The following ANXA10 variants were observed in gnomAD, a reference collection of about 807,000 sequenced individuals.
ANXA10 encodes annexin 14.
A neutral mutation model predicts 53.5 loss-of-function variants in ANXA10; 49 were observed. The ratio of observed to expected loss-of-function variants is 0.92; its 90% CI spans 0.73 to 1.16. The LOEUF (loss-of-function observed/expected upper bound fraction) is 1.16, where lower values mean the gene tolerates loss of function less well. Ranked by LOEUF, ANXA10 falls within the 50% of genes most tolerant of loss-of-function variation. The pLI is 0.00. For missense variants in ANXA10, 393 were observed against 394.4 expected (o/e 1.00, Z 0.03); for synonymous variants, 131 against 128.9 (o/e 1.02, Z -0.11).
intron 6 of ANXA10, among the ~76,000 whole-genome samples, chr4:168,168,611 C>T (rs1241493262): frequency 2.0e-5 from 3 of 151,874 alleles, no homozygotes; most frequent in East Asian, 3.9e-4. Context: ...AGTAGAGACG[C>T]GGTTTCACCA....
intron 6 of ANXA10, among the ~76,000 whole-genome samples, chr4:168,177,301 A>C (rs1428144024): frequency 6.6e-6 from 1 of 152,168 alleles, no homozygotes; most frequent in East Asian, 1.9e-4. Context: ...CACTGCACAA[A>C]GTCTGAGCTT....
At chr4:168,148,316 A>G (rs1731437833) in intron 3 of ANXA10, among the ~76,000 whole-genome samples, 2 of 151,930 alleles carry the variant, frequency 1.3e-5, no homozygotes, top group African/African-American at 4.8e-5. Flanking sequence ...ACAGGTGCCC[A>G]CCACCACGCC....
chr4:168,178,003 C>T lies in ANXA10; in HGVS notation c.628+20C>T, dbSNP rs763553018. On this transcript the variant is annotated intron_variant, in intron 8 of 11. Transcript: ENST00000359299. ...GGCTGGGTAATTATTAACTGGGTTT[C>T]GTTCCAGCTACTTGACCAATTATAT... 4.4e-6 allele frequency: 7 copies of T among 1,606,080 alleles called. No individual in the cohort carries two copies. The highest frequency in any genetic ancestry group is 2.7e-5 in the African/African-American group (2 of 74,746).
intron 3 of ANXA10, among the ~76,000 whole-genome samples, chr4:168,156,206 T>TATATAATA (rs1553957762): frequency 1.2e-4 from 2 of 16,882 alleles, no homozygotes; most frequent in Admixed American, 1.1e-3. Context: ...ATAATATATA[T>TATATAATA]TATATTATAT....
chr4:168,128,447 C>G (rs1363848392), intron 2 of ANXA10, among the ~76,000 whole-genome samples: 1 of 152,132 alleles, frequency 6.6e-6, no homozygotes, highest in Non-Finnish European at 1.5e-5. Flanking sequence ...GAAATCTCCA[C>G]TAAAACACCT....
At chr4:168,169,983 G>C (rs1172273361) in intron 6 of ANXA10, among the ~76,000 whole-genome samples, 1 of 152,100 alleles carries the variant, frequency 6.6e-6, no homozygotes, top group Non-Finnish European at 1.5e-5. Context: ...TAAATCACAA[G>C]TGAAAAAATA....
intron 6 of ANXA10, among the ~76,000 whole-genome samples, chr4:168,174,407 G>A (rs1410074217): frequency 3.9e-5 from 6 of 152,162 alleles, no homozygotes; most frequent in African/African-American, 1.2e-4. Context: ...CATGGAGCCC[G>A]CACCTATGCC....
chr4:168,166,390 T>C (rs1470497622), intron 6 of ANXA10, among the ~76,000 whole-genome samples: 1 of 152,228 alleles, frequency 6.6e-6, no homozygotes, highest in African/African-American at 2.4e-5. Flanking sequence ...AATGAATATT[T>C]CTTGAAAATA....
At chr4:168,144,791 G>A (rs930418902) in intron 3 of ANXA10, among the ~76,000 whole-genome samples, 2 of 152,158 alleles carry the variant, frequency 1.3e-5, no homozygotes, top group African/African-American at 4.8e-5. Flanking sequence ...TGATTAGGCT[G>A]CTACCCAGAG....
chr4:168,095,460 T>C (rs1730526541), intron 1 of ANXA10, among the ~76,000 whole-genome samples: 2 of 152,074 alleles, frequency 1.3e-5, no homozygotes, highest in South Asian at 4.1e-4. Flanking sequence ...AGGATACATG[T>C]TGATATCATA....
At chr4:168,159,906 G>C (rs1245286651) in intron 3 of ANXA10, among the ~76,000 whole-genome samples, 1 of 152,146 alleles carries the variant, frequency 6.6e-6, no homozygotes, top group Non-Finnish European at 1.5e-5. Flanking sequence ...TTGAATTCCA[G>C]TATTGAACCA....
At chr4:168,175,476 T>C (rs1360074233) in intron 6 of ANXA10, among the ~76,000 whole-genome samples, 2 of 152,208 alleles carry the variant, frequency 1.3e-5, no homozygotes, top group African/African-American at 4.8e-5. Flanking sequence ...ATGCCACTGA[T>C]ATTTCATACA....
At chr4:168,104,039 TG>T (rs1730681607) in intron 1 of ANXA10, among the ~76,000 whole-genome samples, 1 of 151,936 alleles carries the variant, frequency 6.6e-6, no homozygotes. Context: ...GTAGGGTTTT[TG>T]TAGATGTCTT....
chr4:168,172,067 C>T lies in ANXA10; in HGVS notation c.481-5673C>T, dbSNP rs573076106. On this transcript the variant is annotated intron_variant, in intron 6 of 11. Coordinates refer to ENST00000359299, the MANE Select transcript of ANXA10 (RefSeq NM_007193.5). ...ACATCTTAGTTCTTTTCATTTCTTT[C>T]CTTCCCATGTTTATCATGCCCTTAA... Among the ~76,000 whole-genome samples, 33 of 152,300 alleles carry T rather than the reference C, an allele frequency of 2.2e-4. No individual in the cohort carries two copies. In the East Asian group the frequency reaches 6.0e-3, roughly 28 times the overall value.
intron 4 of ANXA10, among the ~76,000 whole-genome samples, chr4:168,163,564 TATATG>T (rs766227859): frequency 2.6e-5 from 4 of 152,230 alleles, no homozygotes; most frequent in Non-Finnish European, 5.9e-5. Context: ...AAAATAAAGT[TATATG>T]TTTATATGTT....
intron 1 of ANXA10, among the ~76,000 whole-genome samples, chr4:168,103,529 C>T (rs1252226131): frequency 1.3e-5 from 2 of 151,860 alleles, no homozygotes; most frequent in African/African-American, 2.4e-5. Context: ...AATATTGTTA[C>T]CTAATAGCAG....
intron 3 of ANXA10, among the ~76,000 whole-genome samples, chr4:168,144,885 T>G (rs1731383021): frequency 6.6e-6 from 1 of 152,188 alleles, no homozygotes; most frequent in Non-Finnish European, 1.5e-5. Context: ...AGAGCTGGTT[T>G]ATCAAGACAG....
intron 1 of ANXA10, among the ~76,000 whole-genome samples, chr4:168,109,865 GCTAT>G (rs1162748845): frequency 6.6e-6 from 1 of 152,152 alleles, no homozygotes; most frequent in Non-Finnish European, 1.5e-5. Context: ...AGTCAGCTAA[GCTAT>G]CTAAGTTATC....
At chr4:168,134,754 T>C (rs1444291496) in intron 2 of ANXA10, among the ~76,000 whole-genome samples, 3 of 152,292 alleles carry the variant, frequency 2.0e-5, no homozygotes, top group East Asian at 1.9e-4. Context: ...ATTTCTATCT[T>C]TGAAGCCAAT....
Sources: gnomAD v4.1 joint callset for allele counts (sites outside exome capture counted in the v4.1 genomes callset) on GRCh38, gnomAD v4.1.1 for gene constraint, MANE v1.5 for transcripts, NCBI Gene and HGNC (gene_info 2026-07-23, HGNC 2026-07-21) for gene names.